Variants in TAFA4 observed in about 807,000 individuals in gnomAD.
The protein encoded by TAFA4 is chemokine-like protein TAFA-4.
In TAFA4, 20 loss-of-function variants were observed where a neutral mutation model predicts 21.1. The observed-to-expected ratio is 0.95, with a 90% CI of 0.67 to 1.38. The LOEUF is 1.38. Ranked by LOEUF, TAFA4 falls within the 40% of genes most tolerant of loss-of-function variation. The pLI is 0.00. For synonymous variants in TAFA4, 71 were observed against 67.4 expected (o/e 1.05, Z -0.26); for missense variants, 211 against 180.9 (o/e 1.17, Z -0.95).
At chr3:68,765,581 G>C (rs1702838331) in intron 3 of TAFA4, among the ~76,000 whole-genome samples, 1 of 152,130 alleles carries the variant, frequency 6.6e-6, no homozygotes. Flanking sequence ...ATAGCACTTA[G>C]CAGTACCAGA....
chr3:68,824,408 A>G (rs997957577), intron 3 of TAFA4, among the ~76,000 whole-genome samples: 2 of 152,074 alleles, frequency 1.3e-5, no homozygotes, highest in Non-Finnish European at 2.9e-5. Flanking sequence ...GCCCTGTTCC[A>G]TCGTAAAAGT....
intron 1 of TAFA4, among the ~76,000 whole-genome samples, chr3:68,886,994 C>A (rs1308308669): frequency 6.6e-6 from 1 of 152,110 alleles, no homozygotes; most frequent in Non-Finnish European, 1.5e-5. Flanking sequence ...ATCTCAATAG[C>A]CCAAAAGCAT....
chr3:68,837,470 G>T (rs1033095232), intron 3 of TAFA4, among the ~76,000 whole-genome samples: 3 of 152,112 alleles, frequency 2.0e-5, no homozygotes, highest in African/African-American at 7.2e-5. Flanking sequence ...CCAGCCAATA[G>T]CTAAGTTCAG....
intron 1 of TAFA4, among the ~76,000 whole-genome samples, chr3:68,892,358 T>A (rs2106967357): frequency 6.6e-6 from 1 of 152,308 alleles, no homozygotes; most frequent in South Asian, 2.1e-4. Context: ...ATTTTATAAA[T>A]GGCATTTTAA....
At chr3:68,752,759 G>A in intron 4 of TAFA4, 104 bp downstream of exon 4, 1 of 1,440,834 alleles carries the variant, frequency 6.9e-7, no homozygotes. Flanking sequence ...TGATCTCAAA[G>A]CAACCCTAGG....
At chr3:68,826,390 G>A (rs1369452039) in intron 3 of TAFA4, among the ~76,000 whole-genome samples, 1 of 152,104 alleles carries the variant, frequency 6.6e-6, no homozygotes, top group African/African-American at 2.4e-5. Context: ...TGGCTAACAC[G>A]GTGAAATCTG....
chr3:68,818,157 T>C (rs1226950497), intron 3 of TAFA4, among the ~76,000 whole-genome samples: 1 of 152,238 alleles, frequency 6.6e-6, no homozygotes, highest in South Asian at 2.1e-4. Context: ...ACTTGGCTAC[T>C]TCATCCTGCA....
rs1403316267 is a variant in TAFA4, at chr3:68,885,216, A to T, written c.-28T>A. 6.2e-7 allele frequency: 1 copy of T among 1,609,280 alleles called. No homozygotes were observed. Among genetic ancestry groups the T allele is most frequent in the South Asian group, 1.1e-5 (1 of 90,252 alleles). ...GATGTGGTTCTAGTCAAACACACTT[A>T]TTCCAGGATATATTTCAGAGTGACT... On this transcript the variant is annotated 5_prime_UTR_variant, in exon 2 of 6. An upstream open reading frame in the 5' UTR loses its in-frame stop. Transcript: ENST00000295569.
At chr3:68,925,246 C>A (rs1559565369) in intron 1 of TAFA4, among the ~76,000 whole-genome samples, 1 of 151,966 alleles carries the variant, frequency 6.6e-6, no homozygotes, top group East Asian at 1.9e-4. Context: ...AGGAATTAAT[C>A]CAAAAATATA....
In TAFA4 at chr3:68,862,010, G is replaced by A. The variant is rs138485924; in HGVS notation, c.130+18720C>T. Among the ~76,000 whole-genome samples the A allele has an allele frequency of 2.6e-3, 390 of 152,122 alleles. 2 individuals are homozygous for A. Among genetic ancestry groups the A allele is most frequent in the African/African-American group, 8.7e-3 (362 of 41,514 alleles). ...TTGTTCCACATCTGCCTCCTGCTGAGCATATTTTCCTCTTCTCCCTTTTTT... is the reference window on the plus strand; with the variant it reads ...TTGTTCCACATCTGCCTCCTGCTGAACATATTTTCCTCTTCTCCCTTTTTT... On this transcript the variant is annotated intron_variant, in intron 3 of 5. Coordinates refer to ENST00000295569, the MANE Select transcript of TAFA4 (RefSeq NM_182522.5).
At chr3:68,734,896 G>A (rs988692672) in intron 5 of TAFA4, among the ~76,000 whole-genome samples, 2 of 152,078 alleles carry the variant, frequency 1.3e-5, no homozygotes, top group African/African-American at 4.8e-5. Flanking sequence ...CTTCTTTGAG[G>A]CAACTTATTC....
chr3:68,848,253 C>A (rs1173395772), intron 3 of TAFA4, among the ~76,000 whole-genome samples: 1 of 152,184 alleles, frequency 6.6e-6, no homozygotes, highest in African/African-American at 2.4e-5. Flanking sequence ...GTAGAACACA[C>A]ACGAAATTAA....
intron 3 of TAFA4, among the ~76,000 whole-genome samples, chr3:68,783,763 AAAAC>A (rs1361456027): frequency 6.6e-6 from 1 of 151,594 alleles, no homozygotes; most frequent in Non-Finnish European, 1.5e-5. Context: ...GAAAGAAACA[AAAAC>A]AAAGAAACAA....
intron 1 of TAFA4, chr3:68,916,226 T>C (rs2090003515): frequency 6.6e-6 from 1 of 152,244 alleles, no homozygotes; most frequent in African/African-American, 2.4e-5. Flanking sequence ...TGTCAAAACA[T>C]ATCAAACGGA....
At chr3:68,803,774 TAAGGGTCTCTACATCTCTGA>T (rs1703625616) in intron 3 of TAFA4, among the ~76,000 whole-genome samples, 1 of 146,186 alleles carries the variant, frequency 6.8e-6, no homozygotes, top group African/African-American at 2.5e-5. Flanking sequence ...TCAGGGCCTT[TAAGGGTCTCTACATCTCTGA>T]TTCTTTTTTT....
At chr3:68,914,177 C>A (rs1575670886) in intron 1 of TAFA4, among the ~76,000 whole-genome samples, 1 of 152,142 alleles carries the variant, frequency 6.6e-6, no homozygotes, top group African/African-American at 2.4e-5. Context: ...CAACGAAATA[C>A]TATGCAACAA....
intron 3 of TAFA4, among the ~76,000 whole-genome samples, chr3:68,816,266 G>T (rs747124279): frequency 1.3e-5 from 2 of 152,070 alleles, no homozygotes; most frequent in Non-Finnish European, 2.9e-5. Flanking sequence ...GTATACATAT[G>T]TAACAAACCT....
intron 3 of TAFA4, among the ~76,000 whole-genome samples, chr3:68,870,016 G>C (rs2089465209): frequency 6.6e-6 from 1 of 151,902 alleles, no homozygotes; most frequent in South Asian, 2.1e-4. Flanking sequence ...TAAAGTTGCA[G>C]GATACAAAAT....
At chr3:68,909,433 A>T (rs745846035) in intron 1 of TAFA4, among the ~76,000 whole-genome samples, 1 of 152,134 alleles carries the variant, frequency 6.6e-6, no homozygotes, top group Non-Finnish European at 1.5e-5. Context: ...CCTGGCACCA[A>T]GTAGTCCCTC....
Sources: gnomAD v4.1 joint callset for allele counts (sites outside exome capture counted in the v4.1 genomes callset) on GRCh38, gnomAD v4.1.1 for gene constraint, MANE v1.5 for transcripts, NCBI Gene and HGNC (gene_info 2026-07-23, HGNC 2026-07-21) for gene names.